The following EAF2 variants were observed in gnomAD, a reference collection of about 807,000 sequenced individuals.
EAF2 encodes ELL associated factor 2.
Under a neutral mutation model 29.4 loss-of-function variants are expected in EAF2, and 29 were observed. The observed-to-expected ratio is 0.99, with a 90% CI of 0.73 to 1.35. The LOEUF (loss-of-function observed/expected upper bound fraction) is 1.35, where lower values mean the gene tolerates loss of function less well. Among genes scored for constraint, EAF2 ranks in the 40% most tolerant of loss-of-function variants. EAF2 has a pLI of 0.00. For missense variants in EAF2, 292 were observed against 312.0 expected (o/e 0.94, Z 0.48); for synonymous variants, 103 against 102.5 (o/e 1.00, Z -0.03).
intron 3 of EAF2, among the ~76,000 whole-genome samples, chr3:121,856,539 T>C (rs1708722075): frequency 6.6e-6 from 1 of 152,192 alleles, no homozygotes; most frequent in African/African-American, 2.4e-5. Flanking sequence ...TGGAGTGCAG[T>C]GGCGCAATCA....
chr3:121,868,131 T>G (rs778818783), intron 4 of EAF2, among the ~76,000 whole-genome samples: 1 of 152,174 alleles, frequency 6.6e-6, no homozygotes, highest in Non-Finnish European at 1.5e-5. Context: ...ATAAGCCAAT[T>G]AAACTGCAGA....
intron 5 of EAF2, among the ~76,000 whole-genome samples, chr3:121,879,039 T>G (rs944427922): frequency 1.3e-5 from 2 of 152,208 alleles, no homozygotes; most frequent in African/African-American, 4.8e-5. Context: ...ATGTTATTTT[T>G]GTCTTTTCAA....
intron 1 of EAF2, among the ~76,000 whole-genome samples, chr3:121,843,065 ATATAT>A (rs1235811974): frequency 6.6e-6 from 1 of 152,226 alleles, no homozygotes; most frequent in Non-Finnish European, 1.5e-5. Flanking sequence ...AGCATGAAGA[ATATAT>A]TATAAAAATA....
At chr3:121,885,078 A>T (rs927220764) in intron 5 of EAF2, among the ~76,000 whole-genome samples, 3 of 152,210 alleles carry the variant, frequency 2.0e-5, no homozygotes, top group African/African-American at 7.2e-5. Flanking sequence ...TCTCAAATTT[A>T]CCACATGAAA....
chr3:121,883,152 G>A (rs950295727), intron 5 of EAF2, among the ~76,000 whole-genome samples: 1 of 152,112 alleles, frequency 6.6e-6, no homozygotes, highest in African/African-American at 2.4e-5. Flanking sequence ...TTAATGCATA[G>A]ATTTGGATTT....
chr3:121,872,756 G>C lies in EAF2; in HGVS notation c.704G>C (p.Arg235Pro). The C allele has an allele frequency of 6.2e-7, 1 of 1,612,056 alleles. No individual in the cohort carries two copies. The highest frequency in any genetic ancestry group is 1.1e-5 in the South Asian group (1 of 90,910). Residue 235 changes from arginine to proline, a missense_variant, in exon 5 of 6, where the codon CGA (arginine) becomes CCA (proline). By Grantham distance (103) the Arg-to-Pro change is moderately radical. Coordinates refer to ENST00000273668, the MANE Select transcript of EAF2 (RefSeq NM_018456.6). Reference protein sequence around the residue: ...PDIDASHNRFRDNSGLLMNTL... With the variant: ...PDIDASHNRFPDNSGLLMNTL... ...ATAGATGCCAGTCATAATAGATTTC[G>C]AGACAACAGTGGCCTTCTGATGAAT...
At chr3:121,875,898 C>T (rs1709087050) in intron 5 of EAF2, among the ~76,000 whole-genome samples, 1 of 151,612 alleles carries the variant, frequency 6.6e-6, no homozygotes, top group Non-Finnish European at 1.5e-5. Context: ...TATCCCAGAA[C>T]ACAATACAAG....
chr3:121,845,459 A>AAAAAAAAAAAAAAAAAG (rs71133578), intron 2 of EAF2, among the ~76,000 whole-genome samples: 65 of 96,642 alleles, frequency 6.7e-4, no homozygotes, highest in Admixed American at 9.3e-4. Flanking sequence ...AAAAAAAAAA[A>AAAAAAAAAAAAAAAAAG]AAAGAAAGAA....
chr3:121,879,968 T>A (rs1458038628), intron 5 of EAF2, among the ~76,000 whole-genome samples: 1 of 152,172 alleles, frequency 6.6e-6, no homozygotes, highest in Non-Finnish European at 1.5e-5. Context: ...TAGATTGCTT[T>A]TGGTAGTATT....
chr3:121,857,452 A>G (rs1236916492), intron 4 of EAF2, among the ~76,000 whole-genome samples: 17 of 151,330 alleles, frequency 1.1e-4, no homozygotes, highest in Admixed American at 1.1e-3. Context: ...AGATTGCGCC[A>G]CTGCACTCCA....
chr3:121,837,654 A>G (rs1708328182), intron 1 of EAF2: 1 of 152,232 alleles, frequency 6.6e-6, no homozygotes, highest in Non-Finnish European at 1.5e-5. Context: ...GAGAATAAAT[A>G]GTAGTCACCA....
At chr3:121,845,459 A>AAAAAGAAAG (rs71133578) in intron 2 of EAF2, among the ~76,000 whole-genome samples, 20 of 96,654 alleles carry the variant, frequency 2.1e-4, no homozygotes, top group South Asian at 3.8e-4. Flanking sequence ...AAAAAAAAAA[A>AAAAAGAAAG]AAAGAAAGAA....
intron 5 of EAF2, among the ~76,000 whole-genome samples, chr3:121,876,743 C>G (rs1709103855): frequency 6.6e-6 from 1 of 151,624 alleles, no homozygotes; most frequent in African/African-American, 2.4e-5. Flanking sequence ...TTAATAAATA[C>G]AATCTATAGT....
Position 121,857,091 on chromosome 3 carries a change from T to C in EAF2, c.419T>C (p.Leu140Pro). 6.2e-7 allele frequency: 1 copy of C among 1,613,832 alleles called. No individual in the cohort carries two copies. Among genetic ancestry groups the C allele is most frequent in the African/African-American group, 1.3e-5 (1 of 75,058 alleles). ...TGGAATTCAGCCAGGACTCCCAATC[T>C]TGTAAAACATTCTCCATCTGAAGAT... ...QMWNSARTPN[L>P]VKHSPSEDKM... Residue 140 changes from leucine (L) to proline (P), a missense_variant, in exon 4 of 6, where the codon CTT (leucine) becomes CCT (proline). Physicochemically the swap from Leu to Pro is moderately conservative, Grantham distance 98. Coordinates refer to ENST00000273668, the MANE Select transcript of EAF2 (RefSeq NM_018456.6).
At position 121,877,773 on chromosome 3, in the gene EAF2, G is replaced by A. The variant is rs576870036; in HGVS notation, c.736+4985G>A. On this transcript the variant is annotated intron_variant, in intron 5 of 5. Transcript: ENST00000273668. Reference sequence around the variant, plus strand: ...AGGAAATTTAATTAATTAATTAATTGATTAACTTTATTTTAGAGATGGAGT... The same window carrying A: ...AGGAAATTTAATTAATTAATTAATTAATTAACTTTATTTTAGAGATGGAGT... Among the ~76,000 whole-genome samples, 13 of 152,024 alleles carry A rather than the reference G, an allele frequency of 8.6e-5. No homozygotes were observed. In the East Asian group the frequency reaches 1.7e-3, roughly 20 times the overall value.
intron 1 of EAF2, among the ~76,000 whole-genome samples, chr3:121,840,505 A>AC (rs920808588): frequency 1.4e-5 from 1 of 71,234 alleles, no homozygotes; most frequent in African/African-American, 6.4e-5. Context: ...AAAAAAAAAA[A>AC]AAAGAAAAAA....
chr3:121,866,379 A>C (rs968764126), intron 4 of EAF2, among the ~76,000 whole-genome samples: 4 of 152,196 alleles, frequency 2.6e-5, no homozygotes, highest in Admixed American at 6.5e-5. Context: ...AATTTGAATA[A>C]GATATAGATC....
rs570592789 is a variant in EAF2 at position 121,841,643 on chromosome 3, C to A, written c.107-2810C>A. ...ATCCCAGCATTTTGGGAGGCTGAGGCGGGTGGAACATTTGAGGCCAGGAAT... is the reference window on the plus strand; with the variant it reads ...ATCCCAGCATTTTGGGAGGCTGAGGAGGGTGGAACATTTGAGGCCAGGAAT... On this transcript the variant is annotated intron_variant, in intron 1 of 5. Transcript: ENST00000273668. Among the ~76,000 whole-genome samples, 19 of 150,992 alleles carry A rather than the reference C, an allele frequency of 1.3e-4. No individual in the cohort carries two copies. The South Asian group carries it at 3.1e-3, about 25-fold the overall frequency.
chr3:121,863,069 A>G (rs1258427904), intron 4 of EAF2, among the ~76,000 whole-genome samples: 1 of 152,078 alleles, frequency 6.6e-6, no homozygotes, highest in Non-Finnish European at 1.5e-5. Context: ...TTCGTCTCAG[A>G]GGGGCACTTG....
Sources: gnomAD v4.1 joint callset for allele counts (sites outside exome capture counted in the v4.1 genomes callset) on GRCh38, gnomAD v4.1.1 for gene constraint, MANE v1.5 for transcripts, NCBI Gene and HGNC (gene_info 2026-07-23, HGNC 2026-07-21) for gene names.